LVRN: variants seen among roughly 807,000 people sequenced by gnomAD.
LVRN encodes the protein aminopeptidase Q.
LVRN carries 99 observed loss-of-function variants against 111.4 expected under a neutral mutation model. The observed-to-expected ratio is 0.89, with a 90% CI of 0.76 to 1.05. The LOEUF (loss-of-function observed/expected upper bound fraction) is 1.05, where lower values mean the gene tolerates loss of function less well. Ranked by LOEUF, LVRN falls within the 50% of genes least tolerant of loss-of-function variation. The pLI, the probability that LVRN is intolerant of heterozygous loss-of-function variation, is 0.00. For synonymous variants in LVRN, 488 were observed against 449.5 expected, an observed-to-expected ratio of 1.09 and a Z score of -1.08; for missense variants, 1,414 against 1,206.8, an observed-to-expected ratio of 1.17 and a Z score of -2.54.
chr5:116,011,019 A>C, intron 14 of LVRN, 125 bp downstream of exon 14: 1 of 321,646 alleles, frequency 3.1e-6, no homozygotes, highest in Non-Finnish European at 5.2e-6. Context: ...ATATATATAT[A>C]TATATATGGA....
At chr5:115,990,387 G>A (rs1264412893) in intron 4 of LVRN, among the ~76,000 whole-genome samples, 1 of 151,820 alleles carries the variant, frequency 6.6e-6, no homozygotes, top group East Asian at 1.9e-4. Context: ...TAAGATTTTT[G>A]GCTGTTTGAA....
intron 6 of LVRN, among the ~76,000 whole-genome samples, chr5:115,996,333 A>T (rs191259857): frequency 1.3e-5 from 2 of 152,220 alleles, no homozygotes; most frequent in African/African-American, 4.8e-5. Flanking sequence ...TGAAGCTAAG[A>T]TTACAACGTT....
intron 13 of LVRN, among the ~76,000 whole-genome samples, chr5:116,009,216 A>G (rs1344787918): frequency 6.6e-6 from 1 of 152,138 alleles, no homozygotes; most frequent in Admixed American, 6.5e-5. Flanking sequence ...TGTTTACAGT[A>G]TGGTTTGCTG....
At chr5:115,994,064 T>A (rs887315729) in intron 6 of LVRN, among the ~76,000 whole-genome samples, 3 of 152,128 alleles carry the variant, frequency 2.0e-5, no homozygotes, top group Admixed American at 1.3e-4. Context: ...GGGAATTACA[T>A]AAAATTTTGT....
intron 19 of LVRN, among the ~76,000 whole-genome samples, chr5:116,024,176 G>A: frequency 6.6e-6 from 1 of 152,062 alleles, no homozygotes; most frequent in East Asian, 1.9e-4. Context: ...GTACACAGTG[G>A]TCAAAATTCA....
intron 10 of LVRN, among the ~76,000 whole-genome samples, chr5:116,001,547 G>C (rs1243333512): frequency 6.6e-6 from 1 of 152,100 alleles, no homozygotes; most frequent in Non-Finnish European, 1.5e-5. Context: ...TCTGAGTGAG[G>C]GGCAGTAAGA....
intron 1 of LVRN, among the ~76,000 whole-genome samples, chr5:115,967,001 G>T (rs942637493): frequency 6.6e-6 from 1 of 151,964 alleles, no homozygotes; most frequent in African/African-American, 2.4e-5. Flanking sequence ...ATTTTTTACT[G>T]TTGAATTCTG....
At chr5:115,979,412 G>T (rs944133579) in intron 1 of LVRN, among the ~76,000 whole-genome samples, 1 of 152,058 alleles carries the variant, frequency 6.6e-6, no homozygotes, top group African/African-American at 2.4e-5. Context: ...CTCCCTGAGA[G>T]CGTGGAAAGC....
chr5:116,010,816 G>C lies in LVRN; in HGVS notation c.2169G>C (p.Trp723Cys). ...YLAEEDEIIV[W>C]HTVLVNLVTR... Reference sequence around the variant, plus strand: ...CTGAAGAAGATGAAATTATAGTATGGCATACAGTCTTGGTAAACTTGGTAA... The same window carrying C: ...CTGAAGAAGATGAAATTATAGTATGCCATACAGTCTTGGTAAACTTGGTAA... The change falls in exon 14 of 20, where the codon TGG (tryptophan) becomes TGC (cysteine). Residue 723 changes from tryptophan (W) to cysteine (C), a missense_variant. Transcript: ENST00000357872. 6.2e-7 allele frequency: 1 copy of C among 1,612,348 alleles called. No individual in the cohort carries two copies.
rs1208269346 is a variant in LVRN, at chr5:116,010,817, C to G, written c.2170C>G (p.His724Asp). ...LAEEDEIIVW[H>D]TVLVNLVTRD... ...TGAAGAAGATGAAATTATAGTATGG[C>G]ATACAGTCTTGGTAAACTTGGTAAC... The change falls in exon 14 of 20, where the codon CAT becomes GAT. Residue 724 changes from histidine to aspartate, a missense_variant. By Grantham distance (81) the His-to-Asp change is moderately conservative. Transcript: ENST00000357872. 6.2e-7 allele frequency: 1 copy of G among 1,612,270 alleles called. No individual in the cohort carries two copies. The highest frequency in any genetic ancestry group is 8.5e-7 in the Non-Finnish European group (1 of 1,178,972).
intron 1 of LVRN, among the ~76,000 whole-genome samples, chr5:115,966,859 C>T (rs1473578158): frequency 1.3e-5 from 2 of 152,122 alleles, no homozygotes; most frequent in Admixed American, 6.5e-5. Flanking sequence ...ATGGTAATAT[C>T]TCATTGTGGT....
At chr5:116,025,549 A>G (rs56070848) in intron 19 of LVRN, among the ~76,000 whole-genome samples, 1,617 of 152,326 alleles carry the variant, frequency 0.011, 25 homozygotes, top group African/African-American at 0.037. Context: ...GTATTCTAAA[A>G]TAAAGAATGA....
At chr5:116,016,613 A>C (rs1216212257) in intron 18 of LVRN, among the ~76,000 whole-genome samples, 1 of 152,218 alleles carries the variant, frequency 6.6e-6, no homozygotes, top group Non-Finnish European at 1.5e-5. Context: ...AAATTGTTTT[A>C]ACCCTCACTT....
chr5:115,999,047 T>C (rs7729367), intron 6 of LVRN, among the ~76,000 whole-genome samples: 13,835 of 152,166 alleles, frequency 0.091, 919 homozygotes, highest in East Asian at 0.19. Context: ...GGGGTTCACC[T>C]GGCTCTCCAG....
Position 116,004,336 on chromosome 5 carries a change from C to A in LVRN, c.2037+956C>A, listed in dbSNP as rs192971804. Among the ~76,000 whole-genome samples, 732 of 152,248 alleles carry A rather than the reference C, an allele frequency of 4.8e-3. 2 individuals carry two copies. Among genetic ancestry groups the A allele is most frequent in the Middle Eastern group, 6.8e-3 (2 of 294 alleles). ...CTAAATTTCCATGAGTGGAGCTGGA[C>A]GCCAGCTTAGGAGTCAGTACAGTTG... On this transcript the variant is annotated intron_variant, in intron 12 of 19. Coordinates refer to ENST00000357872, the MANE Select transcript of LVRN (RefSeq NM_173800.5).
Position 116,001,075 on chromosome 5 carries a change from T to C in LVRN, c.1656T>C (p.Asp552=), listed in dbSNP as rs774234118. The change falls in exon 10 of 20, where the codon GAT becomes GAC. Residue 552 remains aspartate, a synonymous_variant. Transcript: ENST00000357872. ...DLWRHFQMAI[D]DQSTVILPAT... ...GTGATTTTTTAAAACAGGCCATAGA[T>C]GACCAGAGTACAGTTATTTTGCCAG... The C allele has an allele frequency of 3.7e-6, 6 of 1,601,622 alleles. No individual in the cohort carries two copies. In the Admixed American group the frequency reaches 5.4e-5, roughly 14 times the overall value.
At chr5:116,009,477 T>C (rs1748443621) in intron 13 of LVRN, among the ~76,000 whole-genome samples, 1 of 152,214 alleles carries the variant, frequency 6.6e-6, no homozygotes, top group Non-Finnish European at 1.5e-5. Context: ...CCATAGATAA[T>C]GATCCTTCTG....
intron 6 of LVRN, among the ~76,000 whole-genome samples, chr5:115,997,660 CA>C (rs111907391): frequency 0.012 from 1,597 of 136,400 alleles, 23 homozygotes; most frequent in African/African-American, 0.039. Flanking sequence ...TGAGACTCTC[CA>C]AAAAAAAAAA....
intron 4 of LVRN, among the ~76,000 whole-genome samples, chr5:115,990,825 C>G (rs1490548968): frequency 1.3e-5 from 2 of 152,084 alleles, no homozygotes; most frequent in East Asian, 3.9e-4. Context: ...GTCCGCCTAG[C>G]CCTCCCAAAG....
Sources: gnomAD v4.1 joint callset for allele counts (sites outside exome capture counted in the v4.1 genomes callset) on GRCh38, gnomAD v4.1.1 for gene constraint, MANE v1.5 for transcripts, NCBI Gene and HGNC (gene_info 2026-07-23, HGNC 2026-07-21) for gene names.